The following CFAP95 variants were observed in gnomAD, a reference collection of about 807,000 sequenced individuals.
CFAP95 encodes cilia- and flagella-associated protein 95.
the CFAP95 span, among the ~76,000 whole-genome samples, chr9:69,873,135 A>G: frequency 6.0e-4 from 92 of 152,298 alleles, no homozygotes; most frequent in African/African-American, 2.1e-3. Flanking sequence ...AGGTCTTCCT[A>G]CATAAAGAGT....
the CFAP95 span, among the ~76,000 whole-genome samples, chr9:69,832,047 A>G: frequency 6.6e-6 from 1 of 152,214 alleles, no homozygotes; most frequent in African/African-American, 2.4e-5. Context: ...GCATATGGCC[A>G]TTTATAACAA....
chr9:69,868,662 CAA>C, the CFAP95 span, among the ~76,000 whole-genome samples: 203 of 121,148 alleles, frequency 1.7e-3, no homozygotes, highest in African/African-American at 5.3e-3. Context: ...ACTCTGTCTC[CAA>C]AAAAAAAAAA....
At chr9:69,885,079 A>G in the CFAP95 span, 5 of 152,186 alleles carry the variant, frequency 3.3e-5, no homozygotes, top group African/African-American at 4.8e-5. Flanking sequence ...TCAGGAAATC[A>G]CCACAACCTG....
the CFAP95 span, among the ~76,000 whole-genome samples, chr9:69,869,682 AATATATATCAAAAC>A: frequency 2.0e-5 from 3 of 152,130 alleles, no homozygotes; most frequent in African/African-American, 7.2e-5. Flanking sequence ...TTAATATGTA[AATATATATCAAAAC>A]ATTATGTCAT....
chr9:69,828,347 A>G, the CFAP95 span, among the ~76,000 whole-genome samples: 1 of 152,220 alleles, frequency 6.6e-6, no homozygotes, highest in Non-Finnish European at 1.5e-5. Flanking sequence ...CAAGTATAAA[A>G]AAACAGCATG....
chr9:69,892,195 T>G, the CFAP95 span, among the ~76,000 whole-genome samples: 1 of 152,224 alleles, frequency 6.6e-6, no homozygotes, highest in Non-Finnish European at 1.5e-5. Flanking sequence ...TTTTAAAGAT[T>G]CTGATTTTAA....
the CFAP95 span, among the ~76,000 whole-genome samples, chr9:69,894,186 G>T: frequency 2.6e-5 from 4 of 152,114 alleles, no homozygotes. Flanking sequence ...TTGAAGGCTT[G>T]GTTTTATATA....
At chr9:69,896,679 A>T in the CFAP95 span, among the ~76,000 whole-genome samples, 1 of 152,218 alleles carries the variant, frequency 6.6e-6, no homozygotes, top group Admixed American at 6.5e-5. Context: ...TACATTTGCC[A>T]ATTATTCTTA....
the CFAP95 span, among the ~76,000 whole-genome samples, chr9:69,889,659 C>T: frequency 2.6e-5 from 4 of 151,952 alleles, no homozygotes; most frequent in African/African-American, 9.7e-5. Flanking sequence ...CTTGGCTGGT[C>T]CTGTGATAAC....
At chr9:69,899,479 T>C in the CFAP95 span, among the ~76,000 whole-genome samples, 1 of 152,228 alleles carries the variant, frequency 6.6e-6, no homozygotes, top group Admixed American at 6.5e-5. Flanking sequence ...TAATCCCTCC[T>C]GAAGAAAACG....
the CFAP95 span, among the ~76,000 whole-genome samples, chr9:69,893,375 T>C: frequency 6.6e-6 from 1 of 152,144 alleles, no homozygotes; most frequent in Non-Finnish European, 1.5e-5. Flanking sequence ...AGAGAAAGAA[T>C]GGCTTGCTGA....
chr9:69,888,803 G>A, the CFAP95 span, among the ~76,000 whole-genome samples: 5 of 151,992 alleles, frequency 3.3e-5, no homozygotes, highest in Non-Finnish European at 5.9e-5. Flanking sequence ...TCTTGAACCC[G>A]GGAGGCAGAG....
chr9:69,880,721 T>C, the CFAP95 span, among the ~76,000 whole-genome samples: 1,007 of 152,348 alleles, frequency 6.6e-3, 11 homozygotes, highest in African/African-American at 0.023. Context: ...TGTTAGCTTT[T>C]TGAGGAACCT....
At chr9:69,895,335 G>GTCTCTCTC in the CFAP95 span, among the ~76,000 whole-genome samples, 1,306 of 121,086 alleles carry the variant, frequency 0.011, 15 homozygotes, top group Non-Finnish European at 0.013. Flanking sequence ...CTTAAAATCA[G>GTCTCTCTC]TCTCTCTCTC....
the CFAP95 span, among the ~76,000 whole-genome samples, chr9:69,890,593 T>G: frequency 6.6e-6 from 1 of 152,334 alleles, no homozygotes; most frequent in Non-Finnish European, 1.5e-5. Flanking sequence ...TCACACATAC[T>G]GAAAAAGGAG....
At chr9:69,876,334 A>T in the CFAP95 span, among the ~76,000 whole-genome samples, 1 of 152,080 alleles carries the variant, frequency 6.6e-6, no homozygotes, top group Admixed American at 6.6e-5. Context: ...GGAGTTCAAG[A>T]CCAGCCTGGC....
At chr9:69,826,050 G>A in the CFAP95 span, among the ~76,000 whole-genome samples, 167 of 152,302 alleles carry the variant, frequency 1.1e-3, no homozygotes, top group Non-Finnish European at 1.6e-3. Flanking sequence ...AAAAAGGGAA[G>A]AATTATGGTG....
At chr9:69,845,746 G>A in the CFAP95 span, among the ~76,000 whole-genome samples, 4 of 152,096 alleles carry the variant, frequency 2.6e-5, no homozygotes, top group Admixed American at 6.5e-5. Context: ...CATCCCCATC[G>A]CCACCCCAAC....
At chr9:69,886,895 T>A in the CFAP95 span, 3 of 1,611,086 alleles carry the variant, frequency 1.9e-6, no homozygotes, top group Non-Finnish European at 1.7e-6. Context: ...ATCAGCCACA[T>A]GTGAGTACAA....
Sources: allele counts gnomAD v4.1 joint callset (sites outside exome capture counted in the v4.1 genomes callset), GRCh38; gene constraint gnomAD v4.1.1; transcripts MANE v1.5; gene names NCBI Gene and HGNC (gene_info 2026-07-23, HGNC 2026-07-21).